Variants in ZFP64 observed in about 807,000 individuals in gnomAD.
ZFP64 encodes ZFP64 zinc finger protein.
In ZFP64, 14 loss-of-function variants were observed where a neutral mutation model predicts 51.6. The observed-to-expected ratio is 0.27, with a 90% confidence interval of 0.18 to 0.42. The LOEUF (loss-of-function observed/expected upper bound fraction) is 0.42, where lower values mean the gene tolerates loss of function less well. ZFP64 is among the 10% of genes least tolerant of loss of function. The pLI, the probability that ZFP64 is intolerant of heterozygous loss-of-function variation, is 1.00. For synonymous variants in ZFP64, 375 were observed against 361.4 expected (o/e 1.04, Z -0.43); for missense variants, 754 against 906.8 (o/e 0.83, Z 2.16).
intron 7 of ZFP64, chr20:52,097,059 T>C (rs754463451): frequency 8.8e-6 from 6 of 679,548 alleles, no homozygotes; most frequent in South Asian, 1.4e-5. Context: ...GCATAGATTA[T>C]GGCACTCCTT....
chr20:52,099,005 C>CATAAAA (rs2079022707), intron 5 of ZFP64, among the ~76,000 whole-genome samples: 1 of 116,660 alleles, frequency 8.6e-6, no homozygotes, highest in African/African-American at 3.2e-5. Flanking sequence ...CTGTCTTTAC[C>CATAAAA]AAAAAAAAAA....
chr20:52,144,779 G>T (rs987747166), intron 5 of ZFP64, among the ~76,000 whole-genome samples: 1 of 151,590 alleles, frequency 6.6e-6, no homozygotes, highest in Non-Finnish European at 1.5e-5. Context: ...CAAGAAAGGT[G>T]GTGGACCCCC....
At chr20:52,090,682 C>T (rs2078914935) in intron 7 of ZFP64, among the ~76,000 whole-genome samples, 1 of 151,938 alleles carries the variant, frequency 6.6e-6, no homozygotes, top group Non-Finnish European at 1.5e-5. Flanking sequence ...ACCTGTAATC[C>T]CAACTACTGG....
At chr20:52,117,006 A>G (rs1426980398) in intron 5 of ZFP64, among the ~76,000 whole-genome samples, 1 of 151,924 alleles carries the variant, frequency 6.6e-6, no homozygotes, top group Non-Finnish European at 1.5e-5. Context: ...GGAGGCTGAG[A>G]GGTTGCAGTG....
At chr20:52,099,261 A>G (rs1280809707) in intron 5 of ZFP64, among the ~76,000 whole-genome samples, 1 of 152,184 alleles carries the variant, frequency 6.6e-6, no homozygotes, top group African/African-American at 2.4e-5. Flanking sequence ...GTGGAATAAG[A>G]TAAAAAGAGC....
rs553452393 is a variant in ZFP64, at chr20:52,097,407, C to T, written c.942G>A (p.Met314Ile). Residue 314 changes from methionine (M) to isoleucine (I), a missense_variant, in exon 7 of 9, where the codon ATG (methionine) becomes ATA (isoleucine). Transcript: ENST00000361387. ...TTCTGAGATGGCGGTCCAAGTCTTT[C>T]ATGCCATGGACAGTTTTGAAGTGGC... 196 of 1,612,634 alleles carry T rather than the reference C, an allele frequency of 1.2e-4. 1 individual carries two copies. In the South Asian group the frequency reaches 1.7e-3, roughly 14 times the overall value.
At chr20:52,119,337 G>A (rs556724263) in intron 5 of ZFP64, among the ~76,000 whole-genome samples, 24 of 150,916 alleles carry the variant, frequency 1.6e-4, no homozygotes, top group Non-Finnish European at 2.9e-4. Flanking sequence ...CCAACATGTC[G>A]AAACCCCGAC....
At chr20:52,111,285 CGGCTCATCGCA>C (rs1978563799) in intron 5 of ZFP64, among the ~76,000 whole-genome samples, 2 of 148,460 alleles carry the variant, frequency 1.3e-5, no homozygotes. Context: ...GGCGCGATCT[CGGCTCATCGCA>C]ACCTCCAGCT....
chr20:52,087,247 G>A (rs1292977139), intron 8 of ZFP64, among the ~76,000 whole-genome samples: 1 of 152,046 alleles, frequency 6.6e-6, no homozygotes, highest in Non-Finnish European at 1.5e-5. Flanking sequence ...TTTCTCATTT[G>A]ATTTTCTATT....
At chr20:52,112,082 C>CAAAAAAAAAAAAAAAAAA in intron 5 of ZFP64, among the ~76,000 whole-genome samples, 1 of 78,398 alleles carries the variant, frequency 1.3e-5, no homozygotes, top group Non-Finnish European at 2.4e-5. Flanking sequence ...ACTCTATCTC[C>CAAAAAAAAAAAAAAAAAA]AAAAAAAAAA....
At chr20:52,084,361 A>C in exon 9 of ZFP64, 1 of 585,050 alleles carries the variant, frequency 1.7e-6, no homozygotes, top group Non-Finnish European at 3.0e-6. Flanking sequence ...GACAAATGCG[A>C]GGAGTGTCTC....
intron 7 of ZFP64, among the ~76,000 whole-genome samples, chr20:52,096,276 T>C (rs2078987648): frequency 6.6e-6 from 1 of 152,212 alleles, no homozygotes; most frequent in African/African-American, 2.4e-5. Context: ...CAAGGGCCGC[T>C]GCTTCTGGGT....
At chr20:52,102,525 T>C (rs774083277) in intron 5 of ZFP64, among the ~76,000 whole-genome samples, 10 of 152,140 alleles carry the variant, frequency 6.6e-5, no homozygotes, top group Non-Finnish European at 1.0e-4. Flanking sequence ...CCATCCTATG[T>C]CCCTCAGGGA....
chr20:52,133,700 GGTCCACT>G (rs1385994436), intron 5 of ZFP64, among the ~76,000 whole-genome samples: 1 of 152,102 alleles, frequency 6.6e-6, no homozygotes, highest in African/African-American at 2.4e-5. Context: ...ATTCCCCTTT[GGTCCACT>G]GTGCCTTGGG....
intron 5 of ZFP64, among the ~76,000 whole-genome samples, chr20:52,140,463 T>C (rs1324641154): frequency 1.8e-4 from 28 of 152,236 alleles, no homozygotes; most frequent in Admixed American, 1.4e-3. Context: ...TTATTGCTGA[T>C]GTGAAGAACG....
intron 1 of ZFP64, 72 bp from the exon 2 acceptor site, chr20:52,187,143 G>C: frequency 6.6e-7 from 1 of 1,506,120 alleles, no homozygotes. Flanking sequence ...CCAGATTCAT[G>C]GTAGGAAGAA....
chr20:52,093,928 A>T (rs1190793270), intron 7 of ZFP64, among the ~76,000 whole-genome samples: 1 of 152,234 alleles, frequency 6.6e-6, no homozygotes, highest in Admixed American at 6.5e-5. Flanking sequence ...AAAATTGCAC[A>T]TTTAACATTG....
rs760122271 is a variant in ZFP64 at position 52,160,244 on chromosome 20, G to C, written c.642C>G (p.Asp214Glu). 6.2e-7 allele frequency: 1 copy of C among 1,614,060 alleles called. No homozygotes were observed. The highest frequency in any genetic ancestry group is 1.3e-5 in the African/African-American group (1 of 74,922). Reference protein sequence around the residue: ...KCKTCDYAAADSSSLNKHLRI... With the variant: ...KCKTCDYAAAESSSLNKHLRI... ...TCAGGTGCTTGTTGAGGCTGCTGCT[G>C]TCGGCAGCGGCGTAGTCACACGTCT... Residue 214 changes from aspartate (D) to glutamate (E), a missense_variant, in exon 5 of 6, where the codon GAC (aspartate) becomes GAG (glutamate). Around this residue, in one of 3 missense-constraint regions of ZFP64, gnomAD observed 231 missense variants for 336.7 expected, o/e 0.69. Coordinates refer to ENST00000216923, the MANE Select transcript of ZFP64 (RefSeq NM_018197.3). The surrounding 1 kb of genome is among the most constrained non-coding windows in gnomAD (Gnocchi z 4.2).
intron 5 of ZFP64, among the ~76,000 whole-genome samples, chr20:52,139,198 A>C (rs1980130763): frequency 6.6e-6 from 1 of 152,176 alleles, no homozygotes; most frequent in African/African-American, 2.4e-5. Context: ...TACCAAAGAC[A>C]CATGCACGCA....
Sources: allele counts gnomAD v4.1 joint callset (sites outside exome capture counted in the v4.1 genomes callset), GRCh38; gene constraint gnomAD v4.1.1; regional missense constraint gnomAD v4.1.1; non-coding constraint Gnocchi (gnomAD v3.1); transcripts MANE v1.5; gene names NCBI Gene and HGNC (gene_info 2026-07-23, HGNC 2026-07-21).